The following RRAS2 variants were observed in gnomAD, a reference collection of about 807,000 sequenced individuals.
RRAS2 encodes the protein ras-related protein R-Ras2.
Under a neutral mutation model 27.6 loss-of-function variants are expected in RRAS2, and 7 were observed. That is an observed-to-expected ratio of 0.25 (90% CI 0.14 to 0.48). The LOEUF is 0.48. RRAS2 is among the 20% of genes least tolerant of loss of function. The pLI, the probability that RRAS2 is intolerant of heterozygous loss-of-function variation, is 0.99. For missense variants in RRAS2, 178 were observed against 256.2 expected, an observed-to-expected ratio of 0.69 and a Z score of 2.08; for synonymous variants, 86 against 90.9, an observed-to-expected ratio of 0.95 and a Z score of 0.31.
intron 4 of RRAS2, among the ~76,000 whole-genome samples, chr11:14,281,996 A>C (rs577209799): frequency 2.6e-5 from 4 of 152,362 alleles, no homozygotes; most frequent in African/African-American, 9.6e-5. Context: ...CATTCTGGGA[A>C]GGGAAAGTGT....
rs1591495849 is a variant in RRAS2 at position 14,358,900 on chromosome 11, G to A, written c.-30C>T. 7.5e-7 allele frequency: 1 copy of A among 1,338,488 alleles called. No homozygotes were observed. The highest frequency in any genetic ancestry group is 9.7e-7 in the Non-Finnish European group (1 of 1,033,130). The allele number at this position is 1,338,488 out of a possible 1,614,324, so 82.9% of individuals were successfully genotyped here. ...ACGCTACAGAGCCCAGCCTGACTGC[G>A]CCGAGCCGCCGCTGCCGCCCGCCCT... On this transcript the variant is annotated 5_prime_UTR_variant, in exon 1 of 6. Coordinates refer to ENST00000256196, the MANE Select transcript of RRAS2 (RefSeq NM_012250.6). This position sits in a 1 kb window ranked among gnomAD's most constrained non-coding sequence, Gnocchi z 5.1.
intron 1 of RRAS2, among the ~76,000 whole-genome samples, chr11:14,357,865 T>TA (rs1849116237): frequency 1.3e-5 from 2 of 152,168 alleles, no homozygotes; most frequent in Non-Finnish European, 1.5e-5. Flanking sequence ...CTTTGTGTTT[T>TA]AAAAATCCCA....
chr11:14,329,906 T>C (rs895959994), intron 1 of RRAS2, among the ~76,000 whole-genome samples: 4 of 151,948 alleles, frequency 2.6e-5, no homozygotes, highest in Non-Finnish European at 1.5e-5. Context: ...TTCATCTCTA[T>C]AAATAAAAAT....
chr11:14,281,379 C>T (rs1353841778), intron 5 of RRAS2, among the ~76,000 whole-genome samples: 3 of 152,148 alleles, frequency 2.0e-5, no homozygotes, highest in Non-Finnish European at 4.4e-5. Flanking sequence ...CCATCACCCC[C>T]TTTGGAAGCA....
chr11:14,318,340 T>TA (rs1408450938), intron 1 of RRAS2, among the ~76,000 whole-genome samples: 1 of 152,030 alleles, frequency 6.6e-6, no homozygotes, highest in African/African-American at 2.4e-5. Flanking sequence ...CTCTACCTAC[T>TA]AAAAGCACAA....
intron 1 of RRAS2, among the ~76,000 whole-genome samples, chr11:14,313,516 A>C (rs901235633): frequency 6.6e-6 from 1 of 152,206 alleles, no homozygotes; most frequent in African/African-American, 2.4e-5. Flanking sequence ...GGTACCTATG[A>C]ATATGACCGT....
rs1379344927 is a variant in RRAS2 at position 14,358,814 on chromosome 11, C to T, written c.57G>A (p.Val19=). The change falls in exon 1 of 6, where the codon GTG becomes GTA. Residue 19 remains valine, a synonymous_variant. Transcript: ENST00000256196. The surrounding 1 kb of genome is among the most constrained non-coding windows in gnomAD (Gnocchi z 5.1). ...ACTTGCCCACGCCGCCCCCGCCGACCACCACGAGCCGGTACTTCTCCTGGC... is the reference window on the plus strand; with the variant it reads ...ACTTGCCCACGCCGCCCCCGCCGACTACCACGAGCCGGTACTTCTCCTGGC... ...GSGQEKYRLV[V]VGGGGVGKSA... 3.4e-6 allele frequency: 5 copies of T among 1,490,314 alleles called. No homozygotes were observed. The highest frequency in any genetic ancestry group is 2.9e-5 in the African/African-American group (2 of 68,988). 92.3% of individuals were successfully genotyped at this position (1,490,314 alleles called of 1,614,324 possible).
At chr11:14,337,732 G>A (rs1231640004) in intron 1 of RRAS2, among the ~76,000 whole-genome samples, 4 of 151,924 alleles carry the variant, frequency 2.6e-5, no homozygotes, top group South Asian at 2.1e-4. Flanking sequence ...CATCTGCGGG[G>A]GTTGAAATAT....
intron 1 of RRAS2, among the ~76,000 whole-genome samples, chr11:14,312,336 A>C (rs1847989447): frequency 1.3e-5 from 2 of 152,230 alleles, no homozygotes; most frequent in South Asian, 4.1e-4. Context: ...TTTGACAAAT[A>C]GTTGTTGTGT....
chr11:14,339,653 T>G, intron 1 of RRAS2, among the ~76,000 whole-genome samples: 1 of 151,898 alleles, frequency 6.6e-6, no homozygotes. Flanking sequence ...CTACTAAAGT[T>G]AAAAAGAAAG....
intron 4 of RRAS2, among the ~76,000 whole-genome samples, chr11:14,282,431 G>C (rs1374013855): frequency 6.6e-6 from 1 of 152,254 alleles, no homozygotes; most frequent in South Asian, 2.1e-4. Flanking sequence ...ATAGCTGATT[G>C]ATGTATAAAA....
intron 1 of RRAS2, among the ~76,000 whole-genome samples, chr11:14,340,967 C>T (rs1011137644): frequency 1.1e-4 from 17 of 152,170 alleles, no homozygotes; most frequent in Non-Finnish European, 1.8e-4. Flanking sequence ...CCCATCCCAC[C>T]TCTCTCAAAG....
intron 4 of RRAS2, among the ~76,000 whole-genome samples, chr11:14,283,413 T>C (rs1276581613): frequency 6.6e-6 from 1 of 152,240 alleles, no homozygotes; most frequent in Non-Finnish European, 1.5e-5. Context: ...AGTGCTATGC[T>C]GGCTTCACAT....
chr11:14,337,270 C>T (rs1446333338), intron 1 of RRAS2: 1 of 152,174 alleles, frequency 6.6e-6, no homozygotes, highest in African/African-American at 2.4e-5. Flanking sequence ...TCCCTTTGTC[C>T]AGAGTATCCA....
intron 1 of RRAS2, among the ~76,000 whole-genome samples, chr11:14,355,188 A>G (rs137899525): frequency 2.0e-5 from 3 of 152,262 alleles, no homozygotes; most frequent in Middle Eastern, 3.4e-3. Flanking sequence ...TAGAATTTCA[A>G]AAGTGCAGAA....
intron 1 of RRAS2, among the ~76,000 whole-genome samples, chr11:14,339,938 A>AC (rs1411192019): frequency 2.0e-5 from 3 of 151,518 alleles, no homozygotes; most frequent in African/African-American, 7.3e-5. Flanking sequence ...ATATGGAGAG[A>AC]CCCCGTCCCT....
chr11:14,358,936 C>T lies in RRAS2; in HGVS notation c.-66G>A, dbSNP rs1849143016. 3.3e-6 allele frequency: 4 copies of T among 1,194,142 alleles called. No homozygotes were observed. Among genetic ancestry groups the T allele is most frequent in the South Asian group, 6.6e-5 (2 of 30,144 alleles). 74.0% of individuals were successfully genotyped at this position (1,194,142 alleles called of 1,614,324 possible). On this transcript the variant is annotated 5_prime_UTR_variant, in exon 1 of 6. Coordinates refer to ENST00000256196, the MANE Select transcript of RRAS2 (RefSeq NM_012250.6). The surrounding 1 kb of genome is among the most constrained non-coding windows in gnomAD (Gnocchi z 5.1). ...GCTGCCGCCCGCCCTAGGCCCGGCTCCGGGGACGTGTGCGGCCGGCGGGCT... is the reference window on the plus strand; with the variant it reads ...GCTGCCGCCCGCCCTAGGCCCGGCTTCGGGGACGTGTGCGGCCGGCGGGCT...
chr11:14,293,694 C>CCATGTGAAA (rs2133960444), intron 4 of RRAS2, among the ~76,000 whole-genome samples: 1 of 152,284 alleles, frequency 6.6e-6, no homozygotes, highest in South Asian at 2.1e-4. Flanking sequence ...GTCTCCCCAG[C>CCATGTGAAA]CATGTGAAAC....
chr11:14,280,001 C>G (rs1170601902), intron 5 of RRAS2, among the ~76,000 whole-genome samples: 1 of 152,166 alleles, frequency 6.6e-6, no homozygotes, highest in African/African-American at 2.4e-5. Flanking sequence ...TCCTGAATTA[C>G]TGATGGGTAA....
Sources: allele counts gnomAD v4.1 joint callset (sites outside exome capture counted in the v4.1 genomes callset), GRCh38; gene constraint gnomAD v4.1.1; non-coding constraint Gnocchi (gnomAD v3.1); transcripts MANE v1.5; gene names NCBI Gene and HGNC (gene_info 2026-07-23, HGNC 2026-07-21).